MCU: variants seen among roughly 807,000 people sequenced by gnomAD.
MCU encodes mitochondrial calcium uniporter.
A neutral mutation model predicts 45.2 loss-of-function variants in MCU; 12 were observed. The ratio of observed to expected loss-of-function variants is 0.27; its 90% CI spans 0.17 to 0.43. MCU has a LOEUF of 0.43. MCU is among the 20% of genes least tolerant of loss of function. The probability of loss-of-function intolerance (pLI) is 1.00; values close to 1 mark genes in which losing one functional copy is unlikely to be tolerated. For synonymous variants in MCU, 160 were observed against 165.1 expected, an observed-to-expected ratio of 0.97 and a Z score of 0.24; for missense variants, 324 against 436.7, an observed-to-expected ratio of 0.74 and a Z score of 2.30.
chr10:72,692,814 C>T (rs990608097), intron 1 of MCU: 3 of 1,419,188 alleles, frequency 2.1e-6, no homozygotes, highest in African/African-American at 2.9e-5. Context: ...GGCCGCCCCT[C>T]GTCCTCTCTC....
chr10:72,720,613 A>G (rs1370431382), intron 1 of MCU, among the ~76,000 whole-genome samples: 1 of 152,160 alleles, frequency 6.6e-6, no homozygotes, highest in African/African-American at 2.4e-5. Flanking sequence ...TTTCCAATTT[A>G]TAGAATACTC....
At chr10:72,756,187 G>A (rs780257684) in intron 1 of MCU, among the ~76,000 whole-genome samples, 6 of 151,966 alleles carry the variant, frequency 3.9e-5, no homozygotes, top group Non-Finnish European at 8.8e-5. Context: ...GGGTTTTGCT[G>A]TGTTGCCCAG....
At chr10:72,775,347 A>C (rs758509875) in intron 1 of MCU, among the ~76,000 whole-genome samples, 4 of 152,136 alleles carry the variant, frequency 2.6e-5, no homozygotes, top group Non-Finnish European at 5.9e-5. Flanking sequence ...AAACAAATGA[A>C]AATGGAAAAT....
At chr10:72,805,147 C>CTT (rs1166607606) in intron 1 of MCU, among the ~76,000 whole-genome samples, 1 of 139,890 alleles carries the variant, frequency 7.1e-6, no homozygotes, top group Non-Finnish European at 1.5e-5. Flanking sequence ...TTCTTTCTTT[C>CTT]TTTCTTTCTT....
intron 1 of MCU, among the ~76,000 whole-genome samples, chr10:72,813,738 C>T (rs1589475415): frequency 1.3e-5 from 2 of 152,076 alleles, no homozygotes; most frequent in South Asian, 2.1e-4. Context: ...GGATTACAGG[C>T]GTGAGCCCCT....
intron 1 of MCU, among the ~76,000 whole-genome samples, chr10:72,812,886 G>A (rs1844566770): frequency 6.6e-6 from 1 of 152,136 alleles, no homozygotes; most frequent in Admixed American, 6.5e-5. Flanking sequence ...TCAAAAATAT[G>A]CAGCTTGACA....
chr10:72,799,685 C>G (rs375394285), intron 1 of MCU, among the ~76,000 whole-genome samples: 3 of 151,828 alleles, frequency 2.0e-5, no homozygotes, highest in East Asian at 3.9e-4. Context: ...TGCTAAATCT[C>G]TCTAATCTTT....
At chr10:72,753,900 AAC>A (rs765412090) in intron 1 of MCU, among the ~76,000 whole-genome samples, 7 of 151,654 alleles carry the variant, frequency 4.6e-5, no homozygotes, top group African/African-American at 9.7e-5. Context: ...AAAAAAACAA[AAC>A]ACACACACAC....
chr10:72,714,618 C>T (rs538400875), intron 1 of MCU, among the ~76,000 whole-genome samples: 4 of 152,144 alleles, frequency 2.6e-5, no homozygotes, highest in Admixed American at 6.5e-5. Flanking sequence ...GATCTCAGCT[C>T]ACCGCAAACT....
chr10:72,849,915 C>CT (rs34763405), intron 2 of MCU, among the ~76,000 whole-genome samples: 178 of 141,380 alleles, frequency 1.3e-3, no homozygotes, highest in African/African-American at 3.0e-3. Context: ...TTATCTTTTT[C>CT]TTTTTTTTTT....
At chr10:72,810,470 T>TC (rs1403783177) in intron 1 of MCU, among the ~76,000 whole-genome samples, 1 of 143,336 alleles carries the variant, frequency 7.0e-6, no homozygotes, top group East Asian at 2.0e-4. Context: ...CCTTTTTTTT[T>TC]TTTTTTTTTT....
intron 4 of MCU, chr10:72,861,880 C>A (rs538064959): frequency 3.5e-6 from 1 of 286,850 alleles, no homozygotes; most frequent in Non-Finnish European, 6.8e-6. Flanking sequence ...TAAATAAAGA[C>A]AGAGTCAGTA....
intron 1 of MCU, among the ~76,000 whole-genome samples, chr10:72,700,519 G>A (rs1247619738): frequency 6.6e-6 from 1 of 152,198 alleles, no homozygotes. Context: ...AATGCTTGCA[G>A]TTAGCTTGTG....
intron 1 of MCU, among the ~76,000 whole-genome samples, chr10:72,713,510 C>T (rs2132663429): frequency 6.6e-6 from 1 of 152,306 alleles, no homozygotes; most frequent in Admixed American, 6.5e-5. Context: ...GAACTCCTGA[C>T]CTCAGGTGAT....
chr10:72,746,380 A>G (rs368604284), intron 1 of MCU, among the ~76,000 whole-genome samples: 3 of 152,116 alleles, frequency 2.0e-5, no homozygotes, highest in Non-Finnish European at 2.9e-5. Context: ...AAAAACAAAG[A>G]TTTTTCGTAC....
At chr10:72,780,639 C>G (rs988412461) in intron 1 of MCU, among the ~76,000 whole-genome samples, 2 of 151,624 alleles carry the variant, frequency 1.3e-5, no homozygotes, top group African/African-American at 4.8e-5. Flanking sequence ...ATAGCAGGAA[C>G]ACCAGGGCTA....
At chr10:72,870,741 A>T (rs2132884918) in intron 5 of MCU, among the ~76,000 whole-genome samples, 1 of 152,308 alleles carries the variant, frequency 6.6e-6, no homozygotes, top group East Asian at 1.9e-4. Context: ...TAAATCGTGT[A>T]TGCAACAGTG....
At chr10:72,876,843 T>C (rs1277711509) in intron 6 of MCU, among the ~76,000 whole-genome samples, 2 of 152,158 alleles carry the variant, frequency 1.3e-5, no homozygotes, top group Non-Finnish European at 2.9e-5. Context: ...TCCCTGTGTT[T>C]TTAACCTCTC....
chr10:72,801,815 A>G (rs1263498671), intron 1 of MCU, among the ~76,000 whole-genome samples: 1 of 151,318 alleles, frequency 6.6e-6, no homozygotes, highest in East Asian at 1.9e-4. Flanking sequence ...GAGACCACAG[A>G]TACACACCAC....
Sources: gnomAD v4.1 joint callset for allele counts (sites outside exome capture counted in the v4.1 genomes callset) on GRCh38, gnomAD v4.1.1 for gene constraint, MANE v1.5 for transcripts, NCBI Gene and HGNC (gene_info 2026-07-23, HGNC 2026-07-21) for gene names.